Variants in LRP2 observed in about 807,000 individuals in gnomAD.
The protein encoded by LRP2 is low-density lipoprotein receptor-related protein 2.
In LRP2, 172 loss-of-function variants were observed where a neutral mutation model predicts 531.0. The ratio of observed to expected loss-of-function variants is 0.32; its 90% CI spans 0.29 to 0.37. The LOEUF (loss-of-function observed/expected upper bound fraction) is 0.37. Among genes scored for constraint, LRP2 ranks in the 10% least tolerant of loss-of-function variants. The pLI, the probability that LRP2 is intolerant of heterozygous loss-of-function variation, is 1.00. For missense variants in LRP2, 5,167 were observed against 5,868.3 expected (o/e 0.88, Z 3.90); for synonymous variants, 1,992 against 2,027.6 (o/e 0.98, Z 0.47).
intron 1 of LRP2, among the ~76,000 whole-genome samples, chr2:169,330,909 A>G (rs995316917): frequency 2.6e-5 from 4 of 152,186 alleles, no homozygotes; most frequent in African/African-American, 9.7e-5. Context: ...TTTCTTAAAC[A>G]GCAATCCCAC....
chr2:169,337,494 G>T (rs1685437671), intron 1 of LRP2, among the ~76,000 whole-genome samples: 1 of 152,134 alleles, frequency 6.6e-6, no homozygotes, highest in Admixed American at 6.5e-5. Context: ...GGAGAATTTG[G>T]TGACATCTCT....
At position 169,183,994 on chromosome 2, in the gene LRP2, T is replaced by C. The variant is rs535261359; in HGVS notation, c.9845+1509A>G. Among the ~76,000 whole-genome samples, 3 of 152,206 alleles carry C rather than the reference T, an allele frequency of 2.0e-5. No homozygotes were observed. In the South Asian group the frequency reaches 6.2e-4, roughly 32 times the overall value. ...ACCCTCCTGGACTTTCAAGAAAAGT[T>C]TACCCTACCCTCACCCAGACTTTCT... On this transcript the variant is annotated intron_variant, in intron 50 of 78. Coordinates refer to ENST00000649046, the MANE Select transcript of LRP2 (RefSeq NM_004525.3).
chr2:169,345,451 C>A (rs932638154), intron 1 of LRP2, among the ~76,000 whole-genome samples: 3 of 152,148 alleles, frequency 2.0e-5, no homozygotes, highest in African/African-American at 7.2e-5. Context: ...AGACATTCAT[C>A]TGGGAAGGTC....
At chr2:169,339,410 T>C (rs1400374411) in intron 1 of LRP2, among the ~76,000 whole-genome samples, 3 of 152,210 alleles carry the variant, frequency 2.0e-5, no homozygotes, top group African/African-American at 7.2e-5. Flanking sequence ...AAGTCAAGTT[T>C]ATAGGCACAC....
intron 48 of LRP2, among the ~76,000 whole-genome samples, chr2:169,189,112 T>C (rs962470372): frequency 6.6e-6 from 1 of 152,200 alleles, no homozygotes; most frequent in African/African-American, 2.4e-5. Flanking sequence ...CCCATAAAAG[T>C]TATGATGTCT....
intron 19 of LRP2, among the ~76,000 whole-genome samples, chr2:169,255,029 TA>T (rs1275179485): frequency 1.3e-5 from 2 of 152,180 alleles, no homozygotes; most frequent in Non-Finnish European, 2.9e-5. Context: ...ACTTACTAAC[TA>T]TTCATTCCAC....
At chr2:169,320,520 AG>A (rs1421888169) in intron 2 of LRP2, among the ~76,000 whole-genome samples, 2 of 152,212 alleles carry the variant, frequency 1.3e-5, no homozygotes, top group East Asian at 3.8e-4. Flanking sequence ...TCCATATCAA[AG>A]TTGTGGTCAA....
chr2:169,165,737 GAC>G (rs950644644), intron 62 of LRP2, among the ~76,000 whole-genome samples, 193 bp downstream of exon 62: 2 of 152,256 alleles, frequency 1.3e-5, no homozygotes, highest in Admixed American at 6.5e-5. Context: ...GCTCAAATGA[GAC>G]AGGAAGAAAC....
chr2:169,334,712 C>G (rs777537041), intron 1 of LRP2, among the ~76,000 whole-genome samples: 5 of 152,150 alleles, frequency 3.3e-5, no homozygotes, highest in Non-Finnish European at 5.9e-5. Flanking sequence ...ACCACTGAAC[C>G]TTCACTCAAT....
chr2:169,345,300 C>A (rs1003218038), intron 1 of LRP2, among the ~76,000 whole-genome samples: 22 of 152,152 alleles, frequency 1.4e-4, no homozygotes, highest in African/African-American at 4.6e-4. Flanking sequence ...ACTGAAAGAG[C>A]TGCCTTCTTT....
intron 50 of LRP2, among the ~76,000 whole-genome samples, chr2:169,183,530 G>C (rs1422085598): frequency 1.3e-5 from 2 of 152,138 alleles, no homozygotes; most frequent in Non-Finnish European, 2.9e-5. Flanking sequence ...TATTATTCTT[G>C]TCGTATTAGT....
chr2:169,184,715 G>A (rs1335717785), intron 50 of LRP2, among the ~76,000 whole-genome samples: 2 of 151,918 alleles, frequency 1.3e-5, no homozygotes, highest in Admixed American at 1.3e-4. Flanking sequence ...CAGTTTTCAC[G>A]CCCAGCCCAT....
chr2:169,230,887 T>C (rs535473672), intron 31 of LRP2, among the ~76,000 whole-genome samples: 1 of 152,342 alleles, frequency 6.6e-6, no homozygotes, highest in East Asian at 1.9e-4. Flanking sequence ...TAATATCTCA[T>C]ACCAACACAA....
intron 58 of LRP2, among the ~76,000 whole-genome samples, chr2:169,171,337 C>T (rs1686999635): frequency 6.6e-6 from 1 of 152,138 alleles, no homozygotes; most frequent in African/African-American, 2.4e-5. Flanking sequence ...GTGATATACA[C>T]TCTGGGCAGG....
intron 20 of LRP2, among the ~76,000 whole-genome samples, 172 bp from the exon 21 acceptor site, chr2:169,247,158 G>A (rs1690041355): frequency 6.6e-6 from 1 of 152,162 alleles, no homozygotes; most frequent in African/African-American, 2.4e-5. Context: ...TTTAGGTATG[G>A]AAAAGTCCCA....
At chr2:169,303,948 C>G (rs1403495831) in intron 4 of LRP2, among the ~76,000 whole-genome samples, 1 of 151,944 alleles carries the variant, frequency 6.6e-6, no homozygotes, top group Non-Finnish European at 1.5e-5. Flanking sequence ...AAATTCCTGC[C>G]CAGATATAAT....
At chr2:169,358,699 A>T (rs1686058613) in intron 1 of LRP2, among the ~76,000 whole-genome samples, 1 of 152,192 alleles carries the variant, frequency 6.6e-6, no homozygotes, top group South Asian at 2.1e-4. Flanking sequence ...TGGATTAAAG[A>T]ATATAATGTT....
intron 72 of LRP2, among the ~76,000 whole-genome samples, chr2:169,139,853 C>T (rs1003866960): frequency 3.9e-5 from 6 of 152,140 alleles, no homozygotes; most frequent in African/African-American, 1.2e-4. Flanking sequence ...AGTCTGGCCA[C>T]GAAAACCTAT....
chr2:169,280,199 A>C, intron 11 of LRP2, 151 bp downstream of exon 11: 1 of 775,008 alleles, frequency 1.3e-6, no homozygotes, highest in Non-Finnish European at 2.1e-6. Context: ...GTAATAGTAT[A>C]GCATGGAAAA....
Sources: allele counts gnomAD v4.1 joint callset (sites outside exome capture counted in the v4.1 genomes callset), GRCh38; gene constraint gnomAD v4.1.1; transcripts MANE v1.5; gene names NCBI Gene and HGNC (gene_info 2026-07-23, HGNC 2026-07-21).